Variants in FAM153A observed in about 807,000 individuals in gnomAD.
FAM153A encodes family with sequence similarity 153 member A.
In FAM153A, 12 loss-of-function variants were observed where a neutral mutation model predicts 48.1. The observed-to-expected ratio is 0.25, with a 90% CI of 0.16 to 0.40. The LOEUF is 0.40. FAM153A is among the 10% of genes least tolerant of loss of function. The pLI is 1.00. For missense variants in FAM153A, 111 were observed against 345.8 expected (o/e 0.32, Z 5.38); for synonymous variants, 36 against 118.2 (o/e 0.30, Z 4.51).
At chr5:177,765,310 C>G (rs1340759553) in intron 1 of FAM153A, among the ~76,000 whole-genome samples, 1 of 103,598 alleles carries the variant, frequency 9.7e-6, no homozygotes, top group Non-Finnish European at 2.0e-5. Flanking sequence ...TGGCCTGGGA[C>G]CATGTGAATT....
chr5:177,757,603 G>A (rs1426673948), upstream of FAM153A, among the ~76,000 whole-genome samples: 7 of 151,448 alleles, frequency 4.6e-5, no homozygotes, highest in African/African-American at 1.7e-4. Flanking sequence ...ACCGAATCCA[G>A]CAGCACATCA....
downstream of FAM153A, among the ~76,000 whole-genome samples, chr5:177,708,301 C>T (rs181641947): frequency 6.4e-5 from 6 of 94,386 alleles, no homozygotes; most frequent in East Asian, 1.9e-3. Flanking sequence ...CATGGGCAGG[C>T]ATGGTGGCTC....
At chr5:177,737,646 G>C (rs1450626501) in intron 10 of FAM153A, among the ~76,000 whole-genome samples, 1 of 151,316 alleles carries the variant, frequency 6.6e-6, no homozygotes, top group Non-Finnish European at 1.5e-5. Context: ...TCAGCCTCCT[G>C]AGTAGCTGGG....
chr5:177,739,188 G>C, intron 9 of FAM153A, 51 bp from the exon 12 acceptor site: 1 of 1,595,936 alleles, frequency 6.3e-7, no homozygotes, highest in Non-Finnish European at 8.5e-7. Context: ...TGCTGTCTCT[G>C]TGCACAGGTC....
rs747543520 is a variant in FAM153A at position 177,761,930 on chromosome 5, CA to C, written c.-56-13232del. On this transcript the variant is annotated intron_variant, in intron 1 of 8. Transcript: ENST00000393518. ...GCCACTTACCCACCTGCTTGTGGCC[CA>C]GGCCAAAAACATCCCCATAAATAAC... is the stretch of plus-strand genomic sequence containing the variant. Among the ~76,000 whole-genome samples, 9 of 36,554 alleles carry C rather than the reference CA, an allele frequency of 2.5e-4. No individual in the cohort carries two copies. The East Asian group carries it at 6.0e-3, about 24-fold the overall frequency. The allele number at this position is 36,554 out of a possible 152,430, so 24.0% of individuals were successfully genotyped here. A position where few individuals can be genotyped will look rare whatever the true frequency, so the allele number is the denominator to read the frequency against.
At chr5:177,708,920 C>T (rs1310328294), downstream of FAM153A, among the ~76,000 whole-genome samples, 2 of 150,810 alleles carry the variant, frequency 1.3e-5, no homozygotes, top group Non-Finnish European at 2.9e-5. Flanking sequence ...TGGTAAAACC[C>T]CGTCTCTACT....
At chr5:177,716,908 C>T (rs1161047848) in intron 24 of FAM153A, among the ~76,000 whole-genome samples, 5 of 151,362 alleles carry the variant, frequency 3.3e-5, no homozygotes, top group Non-Finnish European at 5.9e-5. Flanking sequence ...AAATGATCCT[C>T]CAACCTCAGC....
chr5:177,721,606 C>T (rs967923545), downstream of FAM153A, among the ~76,000 whole-genome samples: 2 of 93,162 alleles, frequency 2.1e-5, no homozygotes, highest in African/African-American at 8.2e-5. Flanking sequence ...GGAGGCTCAA[C>T]CTCCTAGGCT....
chr5:177,741,324 C>T (rs1456117028), exon 7 of FAM153A: 3 of 651,594 alleles, frequency 4.6e-6, no homozygotes, highest in South Asian at 2.5e-5. Flanking sequence ...AAGGAGCCTT[C>T]GTCACGCTCT....
intron 10 of FAM153A, among the ~76,000 whole-genome samples, chr5:177,737,931 T>C (rs1764939217): frequency 6.6e-6 from 1 of 151,722 alleles, no homozygotes; most frequent in Admixed American, 6.6e-5. Context: ...TAAACCAAGA[T>C]TTGAAAATAC....
chr5:177,725,725 GCC>G (rs1762304669), intron 18 of FAM153A, among the ~76,000 whole-genome samples: 1 of 151,700 alleles, frequency 6.6e-6, no homozygotes, highest in Non-Finnish European at 1.5e-5. Flanking sequence ...TGACTACTGT[GCC>G]AGCTGCCCAG....
At chr5:177,697,079 G>A in the FAM153A span, among the ~76,000 whole-genome samples, 2 of 151,736 alleles carry the variant, frequency 1.3e-5, no homozygotes, top group Admixed American at 6.6e-5. Context: ...CATAAATATG[G>A]ATGTCCCCTC....
At chr5:177,701,850 G>A in the FAM153A span, among the ~76,000 whole-genome samples, 1 of 151,790 alleles carries the variant, frequency 6.6e-6, no homozygotes, top group Non-Finnish European at 1.5e-5. Flanking sequence ...GACAGTGAAG[G>A]CCAGGCTGAT....
At chr5:177,759,041 T>C (rs2127709374) in intron 1 of FAM153A, among the ~76,000 whole-genome samples, 1 of 151,906 alleles carries the variant, frequency 6.6e-6, no homozygotes, top group East Asian at 1.9e-4. Flanking sequence ...ACAGGGAACC[T>C]ACAGAATGGG....
At chr5:177,716,119 G>T (rs1022888074) in intron 25 of FAM153A, among the ~76,000 whole-genome samples, 1 of 151,502 alleles carries the variant, frequency 6.6e-6, no homozygotes, top group Non-Finnish European at 1.5e-5. Context: ...GAGTAGCTGG[G>T]ACTACAGGCA....
At chr5:177,756,049 TA>T (rs1223486712), upstream of FAM153A, among the ~76,000 whole-genome samples, 19 of 148,736 alleles carry the variant, frequency 1.3e-4, 1 homozygote, top group Non-Finnish European at 2.2e-4. Flanking sequence ...GCAAATTGGA[TA>T]AAGAGTCAAG....
At chr5:177,728,668 G>A (rs2012849) in intron 18 of FAM153A, among the ~76,000 whole-genome samples, 83,875 of 148,832 alleles carry the variant, frequency 0.56, 24,173 homozygotes, top group Middle Eastern at 0.62. Context: ...CCTGGGTTCA[G>A]GTGATTCTCC....
the FAM153A span, among the ~76,000 whole-genome samples, chr5:177,696,948 A>G: frequency 6.6e-6 from 1 of 151,844 alleles, no homozygotes; most frequent in South Asian, 2.1e-4. Flanking sequence ...TTTCATATCA[A>G]TTTTAGGATC....
downstream of FAM153A, among the ~76,000 whole-genome samples, chr5:177,710,843 G>C (rs1758362055): frequency 6.7e-6 from 1 of 148,322 alleles, no homozygotes; most frequent in Non-Finnish European, 1.5e-5. Flanking sequence ...TTTCAGTAAA[G>C]ACGGGGTTTC....
Sources: gnomAD v4.1 joint callset for allele counts (sites outside exome capture counted in the v4.1 genomes callset) on GRCh38, gnomAD v4.1.1 for gene constraint, MANE v1.5 for transcripts, NCBI Gene and HGNC (gene_info 2026-07-23, HGNC 2026-07-21) for gene names.